The following ZNF385D variants were observed in gnomAD, a reference collection of about 807,000 sequenced individuals.
ZNF385D encodes zinc finger protein 659.
In ZNF385D, 15 loss-of-function variants were observed where a neutral mutation model predicts 35.8. That is an observed-to-expected ratio of 0.42 (90% CI 0.28 to 0.64). The LOEUF (loss-of-function observed/expected upper bound fraction) is 0.64, where lower values mean the gene tolerates loss of function less well. Among genes scored for constraint, ZNF385D ranks in the 30% least tolerant of loss-of-function variants. The pLI, the probability that ZNF385D is intolerant of heterozygous loss-of-function variation, is 0.23. For missense variants in ZNF385D, 474 were observed against 494.6 expected (o/e 0.96, Z 0.39); for synonymous variants, 212 against 186.8 (o/e 1.13, Z -1.10).
Position 21,419,294 on chromosome 3 carries a change from G to T in ZNF385D, c.*1920C>A, listed in dbSNP as rs1297722110. 1 of 150,616 alleles carries T rather than the reference G, an allele frequency of 6.6e-6. No homozygotes were observed. The highest frequency in any genetic ancestry group is 1.5e-5 in the Non-Finnish European group (1 of 67,778). The allele number at this position is 150,616 out of a possible 1,614,324, so 9.3% of individuals were successfully genotyped here. ...TAACAAAGGATATATAAAGCCAACT[G>T]CTTTAAAGATTCATTTATATGACAA... On this transcript the variant is annotated 3_prime_UTR_variant, in exon 8 of 8. Transcript: ENST00000281523.
chr3:21,821,766 G>A (rs1400047321), intron 3 of ZNF385D, among the ~76,000 whole-genome samples: 2 of 152,004 alleles, frequency 1.3e-5, no homozygotes, highest in Non-Finnish European at 2.9e-5. Flanking sequence ...TTCGAGACCA[G>A]ACTGAGCAAC....
At chr3:21,749,256 T>C (rs989655387) in intron 1 of ZNF385D, among the ~76,000 whole-genome samples, 1 of 152,104 alleles carries the variant, frequency 6.6e-6, no homozygotes, top group East Asian at 1.9e-4. Context: ...TAGCATACAG[T>C]TAATAACACA....
At chr3:22,251,445 T>C (rs916559620) in intron 2 of ZNF385D, among the ~76,000 whole-genome samples, 7 of 152,122 alleles carry the variant, frequency 4.6e-5, no homozygotes, top group African/African-American at 1.7e-4. Flanking sequence ...CAACACCTCT[T>C]TCTCCAACTC....
chr3:22,076,290 G>A (rs113078143), intron 3 of ZNF385D, among the ~76,000 whole-genome samples: 2,141 of 151,860 alleles, frequency 0.014, 52 homozygotes, highest in African/African-American at 0.047. Context: ...CTATCTGTCC[G>A]ACTTCTCATG....
chr3:21,957,635 TG>T (rs1381456303), intron 3 of ZNF385D, among the ~76,000 whole-genome samples: 1 of 152,128 alleles, frequency 6.6e-6, no homozygotes, highest in Non-Finnish European at 1.5e-5. Flanking sequence ...CTGCTTATGT[TG>T]GGGAATCACT....
chr3:22,102,454 C>A (rs928178570), intron 3 of ZNF385D, among the ~76,000 whole-genome samples: 1 of 151,924 alleles, frequency 6.6e-6, no homozygotes, highest in African/African-American at 2.4e-5. Flanking sequence ...TATGCTAAAC[C>A]AATTCCCTCC....
rs1236141997 is a variant in ZNF385D, at chr3:21,994,469, T to C, written c.325+174348A>G. On this transcript the variant is annotated intron_variant, in intron 3 of 5. Transcript: ENST00000494108. ...CTGAATTATTTATGTTGTTTATCTG[T>C]ATTCTATTGTATCTCACTGAGCTTT... is the stretch of plus-strand genomic sequence containing the variant. 3.3e-5 allele frequency among the ~76,000 whole-genome samples: 5 copies of C among 152,226 alleles called. No individual in the cohort carries two copies. In the East Asian group the frequency reaches 9.6e-4, roughly 29 times the overall value.
At chr3:21,659,555 G>C (rs1196587617) in intron 2 of ZNF385D, among the ~76,000 whole-genome samples, 1 of 152,088 alleles carries the variant, frequency 6.6e-6, no homozygotes, top group African/African-American at 2.4e-5. Flanking sequence ...AAGGCTCGTA[G>C]CATTTCTGGA....
chr3:22,144,363 C>A (rs1488427133), intron 3 of ZNF385D, among the ~76,000 whole-genome samples: 24 of 152,028 alleles, frequency 1.6e-4, no homozygotes, highest in Admixed American at 1.5e-3. Flanking sequence ...CACTTGAGGT[C>A]AGGAGTTTGA....
chr3:21,855,654 A>G (rs2125819513), intron 3 of ZNF385D, among the ~76,000 whole-genome samples: 1 of 152,182 alleles, frequency 6.6e-6, no homozygotes, highest in South Asian at 2.1e-4. Flanking sequence ...TTCTGTTTGC[A>G]GAATCTCCAT....
chr3:21,780,767 C>A (rs1257932019), intron 3 of ZNF385D, among the ~76,000 whole-genome samples: 1 of 152,006 alleles, frequency 6.6e-6, no homozygotes, highest in Non-Finnish European at 1.5e-5. Flanking sequence ...CAACTTTCAC[C>A]TGAGGAATAC....
intron 3 of ZNF385D, among the ~76,000 whole-genome samples, chr3:21,816,011 G>T (rs1477388940): frequency 1.3e-5 from 2 of 152,196 alleles, no homozygotes; most frequent in Non-Finnish European, 2.9e-5. Flanking sequence ...TCCCAGGGAT[G>T]CAAGGCGGGT....
intron 3 of ZNF385D, among the ~76,000 whole-genome samples, chr3:21,969,053 G>A (rs746327865): frequency 2.0e-5 from 3 of 152,130 alleles, no homozygotes; most frequent in African/African-American, 7.2e-5. Context: ...CTTGGGTCTT[G>A]AGTGAACATT....
In ZNF385D at chr3:22,285,183, G is replaced by C. The variant is rs1432190266; in HGVS notation, c.106+87267C>G. ...ACAAAGCAAAATTAGTATTCTTAGA[G>C]AACTTATCTTCAAACAGGTTACTCT... On this transcript the variant is annotated intron_variant, in intron 2 of 5. Transcript: ENST00000494108. Among the ~76,000 whole-genome samples, 5 of 152,042 alleles carry C rather than the reference G, an allele frequency of 3.3e-5. No homozygotes were observed. In the East Asian group the frequency reaches 9.7e-4, roughly 29 times the overall value.
chr3:21,766,194 G>A (rs2070822933), intron 3 of ZNF385D, among the ~76,000 whole-genome samples: 1 of 152,074 alleles, frequency 6.6e-6, no homozygotes, highest in Non-Finnish European at 1.5e-5. Context: ...CTCCAGATGA[G>A]AGACCTGTTT....
chr3:21,492,949 A>T (rs1326076321), intron 4 of ZNF385D, among the ~76,000 whole-genome samples: 1 of 152,052 alleles, frequency 6.6e-6, no homozygotes, highest in Non-Finnish European at 1.5e-5. Flanking sequence ...GTTTCATACC[A>T]TGACAAATAA....
chr3:21,934,446 C>A (rs565403675), intron 3 of ZNF385D, among the ~76,000 whole-genome samples: 5 of 152,136 alleles, frequency 3.3e-5, no homozygotes, highest in Non-Finnish European at 5.9e-5. Flanking sequence ...GTAGCAACCA[C>A]CATCAATTAT....
At chr3:21,499,322 T>G (rs1361280829) in intron 4 of ZNF385D, among the ~76,000 whole-genome samples, 1 of 152,092 alleles carries the variant, frequency 6.6e-6, no homozygotes, top group Admixed American at 6.5e-5. Context: ...AGATCATGTC[T>G]TTGCAGCAAT....
intron 3 of ZNF385D, among the ~76,000 whole-genome samples, chr3:21,996,020 G>C (rs1695443993): frequency 6.6e-6 from 1 of 152,126 alleles, no homozygotes; most frequent in Middle Eastern, 3.2e-3. Flanking sequence ...GGTGGACACA[G>C]GGGAATGTCA....
Sources: allele counts gnomAD v4.1 joint callset (sites outside exome capture counted in the v4.1 genomes callset), GRCh38; gene constraint gnomAD v4.1.1; transcripts MANE v1.5; gene names NCBI Gene and HGNC (gene_info 2026-07-23, HGNC 2026-07-21).